Variants in KCNV1 observed in about 807,000 individuals in gnomAD.
KCNV1 encodes potassium voltage-gated channel subfamily V member 1.
A neutral mutation model predicts 36.4 loss-of-function variants in KCNV1; 2 were observed. The observed-to-expected ratio is 0.05, with a 90% confidence interval of 0.02 to 0.17. The LOEUF is 0.17. KCNV1 is among the 10% of genes least tolerant of loss of function. The probability of loss-of-function intolerance (pLI) is 1.00; values close to 1 mark genes in which losing one functional copy is unlikely to be tolerated. For missense variants in KCNV1, 321 were observed against 643.6 expected (o/e 0.50, Z 5.42); for synonymous variants, 280 against 261.1 (o/e 1.07, Z -0.70).
Position 109,965,562 on chromosome 8 carries a change from A to G in KCNV1, c.*2526T>C, listed in dbSNP as rs1819934834. ...TATAGCTAACAGCACATTTGTAGAG[A>G]AGATGTTTAGGATCCTCCATGATAA... is the stretch of plus-strand genomic sequence containing the variant. On this transcript the variant is annotated 3_prime_UTR_variant, in exon 4 of 4. Coordinates refer to ENST00000524391, the MANE Select transcript of KCNV1 (RefSeq NM_014379.4). 6.6e-6 allele frequency: 1 copy of G among 152,170 alleles called. No individual in the cohort carries two copies. The highest frequency in any genetic ancestry group is 1.5e-5 in the Non-Finnish European group (1 of 68,032). 9.4% of individuals were successfully genotyped at this position (152,170 alleles called of 1,614,324 possible).
In KCNV1 at chr8:109,973,936, G is replaced by A; in HGVS notation, c.453C>T (p.Cys151=). The A allele has an allele frequency of 3.1e-6, 5 of 1,601,336 alleles. No individual in the cohort carries two copies. The highest frequency in any genetic ancestry group is 4.3e-6 in the Non-Finnish European group (5 of 1,172,978). ...GCGTGCCTCCGGGGTACCTGTCCCT[G>A]CAGCAGGAATCGATGCTGAGCTCAT... ...GIDELSIDSC[C]RDRYFRRKEL... Residue 151 remains cysteine, a synonymous_variant, in exon 2 of 4, where the codon TGC becomes TGT. Transcript: ENST00000524391.
At chr8:109,970,926 C>T (rs1289931390) in intron 3 of KCNV1, among the ~76,000 whole-genome samples, 2 of 152,042 alleles carry the variant, frequency 1.3e-5, no homozygotes, top group African/African-American at 4.8e-5. Context: ...TTATTGGAAA[C>T]CCCATTATCA....
chr8:109,973,380 A>G (rs1170149544), intron 2 of KCNV1, among the ~76,000 whole-genome samples: 1 of 152,234 alleles, frequency 6.6e-6, no homozygotes, highest in Admixed American at 6.5e-5. Context: ...TCTGGTAAGA[A>G]CAGATGTTTG....
In KCNV1 at chr8:109,972,224, G is replaced by T; in HGVS notation, c.991+34C>A. 4 of 1,537,946 alleles carry T rather than the reference G, an allele frequency of 2.6e-6. No homozygotes were observed. The highest frequency in any genetic ancestry group is 1.3e-5 in the South Asian group (1 of 77,786). ...CAAAAAACGAATGCTTACATGCAAT[G>T]GCAAATTAAAAGGCATCAGTGAAAT... On this transcript the variant is annotated intron_variant, in intron 3 of 3. Coordinates refer to ENST00000524391, the MANE Select transcript of KCNV1 (RefSeq NM_014379.4). This position sits in a 1 kb window ranked among gnomAD's most constrained non-coding sequence, Gnocchi z 5.2.
intron 1 of KCNV1, 139 bp from the exon 2 acceptor site, chr8:109,975,331 C>G (rs1381995284): frequency 6.6e-6 from 1 of 152,368 alleles, no homozygotes; most frequent in Non-Finnish European, 1.5e-5. Context: ...AGGCACCCTT[C>G]CTTTTAACCA....
Position 109,972,422 on chromosome 8 carries a change from T to C in KCNV1, c.827A>G (p.Asn276Ser). The change falls in exon 3 of 4, where the codon AAC (asparagine) becomes AGC (serine). Residue 276 changes from asparagine (N) to serine (S), a missense_variant. Coordinates refer to ENST00000524391, the MANE Select transcript of KCNV1 (RefSeq NM_014379.4). This position sits in a 1 kb window ranked among gnomAD's most constrained non-coding sequence, Gnocchi z 5.2. ...DRCRFLRKVP[N>S]IIDLLAILPF... ...CAAGATGGCAAGGAGGTCTATGATG[T>C]TTGGCACCTTTCTTAGGAAGCGACA... 1.2e-6 allele frequency: 2 copies of C among 1,614,104 alleles called. No individual in the cohort carries two copies. Among genetic ancestry groups the C allele is most frequent in the Non-Finnish European group, 1.7e-6 (2 of 1,180,018 alleles).
chr8:109,967,689 ATTTAC>A lies in KCNV1; in HGVS notation c.*394_*398del. ...AAAGTTGTTCAATATGTTCTTAAAT[ATTTAC>A]TTATCTTTCTCTGGGCTATGCAGTT... On this transcript the variant is annotated 3_prime_UTR_variant, in exon 4 of 4. Transcript: ENST00000524391. 1 of 166,100 alleles carries A rather than the reference ATTTAC, an allele frequency of 6.0e-6. No homozygotes were observed. Among genetic ancestry groups the A allele is most frequent in the Non-Finnish European group, 1.3e-5 (1 of 75,904 alleles). The allele number at this position is 166,100 out of a possible 1,614,324, so 10.3% of individuals were successfully genotyped here.
intron 3 of KCNV1, among the ~76,000 whole-genome samples, chr8:109,970,799 A>G (rs1587136029): frequency 6.6e-6 from 1 of 152,292 alleles, no homozygotes; most frequent in Admixed American, 6.5e-5. Flanking sequence ...TTTCTTTTGG[A>G]AAAAAATGTA....
Position 109,974,713 on chromosome 8 carries a change from T to C in KCNV1, c.-325A>G. On this transcript the variant is annotated 5_prime_UTR_variant, in exon 2 of 4. Coordinates refer to ENST00000524391, the MANE Select transcript of KCNV1 (RefSeq NM_014379.4). This position sits in a 1 kb window ranked among gnomAD's most constrained non-coding sequence, Gnocchi z 6.2. ...TGCACACTGCCGGTCGCCCTGGCCC[T>C]TCCCAAACGTTGTCACCCCGCCTCC... The C allele has an allele frequency of 2.8e-6, 1 of 359,928 alleles. No individual in the cohort carries two copies. The highest frequency in any genetic ancestry group is 5.0e-6 in the Non-Finnish European group (1 of 198,442). 22.3% of individuals were successfully genotyped at this position (359,928 alleles called of 1,614,324 possible). A position where few individuals can be genotyped will look rare whatever the true frequency, so the allele number is the denominator to read the frequency against.
In KCNV1 at chr8:109,967,782, CT is replaced by C. The variant is rs1819961372; in HGVS notation, c.*305del. On this transcript the variant is annotated 3_prime_UTR_variant, in exon 4 of 4. Transcript: ENST00000524391. ...TTCTAATGTTAGTGATACATAAAAT[CT>C]TTAACTTTTTTGTATGTATTGCAAT... 4.5e-6 allele frequency: 1 copy of C among 224,108 alleles called. No individual in the cohort carries two copies. The highest frequency in any genetic ancestry group is 2.3e-5 in the African/African-American group (1 of 43,990). The allele number at this position is 224,108 out of a possible 1,614,324, so 13.9% of individuals were successfully genotyped here.
chr8:109,968,077 T>A lies in KCNV1; in HGVS notation c.*11A>T, dbSNP rs184460277. The A allele has an allele frequency of 2.5e-6, 4 of 1,597,166 alleles. No individual in the cohort carries two copies. The highest frequency in any genetic ancestry group is 3.5e-5 in the Admixed American group (2 of 57,162). ...TTGTACATAGCTTTTGTAAATAAAT[T>A]GAAAATTAATTCAAAACCAGAAATC... On this transcript the variant is annotated 3_prime_UTR_variant, in exon 4 of 4. Coordinates refer to ENST00000524391, the MANE Select transcript of KCNV1 (RefSeq NM_014379.4). The surrounding 1 kb of genome is among the most constrained non-coding windows in gnomAD (Gnocchi z 5.3).
rs2130897962 is a variant in KCNV1, at chr8:109,972,150, G to A, written c.991+108C>T. The A allele has an allele frequency of 8.7e-7, 1 of 1,143,478 alleles. No individual in the cohort carries two copies. The highest frequency in any genetic ancestry group is 1.2e-6 in the Non-Finnish European group (1 of 818,938). 70.8% of individuals were successfully genotyped at this position (1,143,478 alleles called of 1,614,324 possible). ...GGTCATGATCAGGTAAAGTATGGGA[G>A]TTGGTAATTTTGAATATCAGTTCAG... On this transcript the variant is annotated intron_variant, in intron 3 of 3. Coordinates refer to ENST00000524391, the MANE Select transcript of KCNV1 (RefSeq NM_014379.4). This position sits in a 1 kb window ranked among gnomAD's most constrained non-coding sequence, Gnocchi z 5.2.
At position 109,974,318 on chromosome 8, in the gene KCNV1, C is replaced by CT; in HGVS notation, c.70dup (p.Ser24LysfsTer8). ...CCCTTCACCCTCGCTGCAGAAGACA[C>CT]TAGAGTCCAGGGAGGTCAGGGAGCC... On this transcript the variant is annotated frameshift_variant, in exon 2 of 4. Coordinates refer to ENST00000524391, the MANE Select transcript of KCNV1 (RefSeq NM_014379.4). LOFTEE classifies it high-confidence loss of function. The surrounding 1 kb of genome is among the most constrained non-coding windows in gnomAD (Gnocchi z 6.2). 6.5e-7 allele frequency: 1 copy of CT among 1,543,524 alleles called. No individual in the cohort carries two copies. The highest frequency in any genetic ancestry group is 8.7e-7 in the Non-Finnish European group (1 of 1,149,154).
rs768697423 is a variant in KCNV1 at position 109,968,645 on chromosome 8, C to G, written c.992-46G>C. ...TCAGTCATTGGCATCCCTCTTCTCTCTCTTCCTTCCCTCCCCTCCCCTCTC... is the reference window on the plus strand; with the variant it reads ...TCAGTCATTGGCATCCCTCTTCTCTGTCTTCCTTCCCTCCCCTCCCCTCTC... On this transcript the variant is annotated intron_variant, in intron 3 of 3. Coordinates refer to ENST00000524391, the MANE Select transcript of KCNV1 (RefSeq NM_014379.4). This position sits in a 1 kb window ranked among gnomAD's most constrained non-coding sequence, Gnocchi z 5.3. The G allele has an allele frequency of 1.8e-5, 27 of 1,540,904 alleles. No individual in the cohort carries two copies. The highest frequency in any genetic ancestry group is 2.3e-5 in the Non-Finnish European group (26 of 1,140,160).
rs918608969 is a variant in KCNV1 at position 109,966,623 on chromosome 8, A to G, written c.*1465T>C. 3.3e-5 allele frequency: 5 copies of G among 152,204 alleles called. No individual in the cohort carries two copies. The highest frequency in any genetic ancestry group is 7.4e-5 in the Non-Finnish European group (5 of 68,026). 9.4% of individuals were successfully genotyped at this position (152,204 alleles called of 1,614,324 possible). ...CATTTTACAGTTAATGGCATCTTAC[A>G]ATTGACTGGCATCTTTCTTTCTTGG... On this transcript the variant is annotated 3_prime_UTR_variant, in exon 4 of 4. Transcript: ENST00000524391.
rs1007321587 is a variant in KCNV1 at position 109,965,924 on chromosome 8, G to C, written c.*2164C>G. On this transcript the variant is annotated 3_prime_UTR_variant, in exon 4 of 4. Coordinates refer to ENST00000524391, the MANE Select transcript of KCNV1 (RefSeq NM_014379.4). ...GCGCTGGCTCTGCCATCTATAGCCTGTGTGAATTTAGGCAAGTTTATACCT... is the reference window on the plus strand; with the variant it reads ...GCGCTGGCTCTGCCATCTATAGCCTCTGTGAATTTAGGCAAGTTTATACCT... The C allele has an allele frequency of 6.6e-6, 1 of 152,178 alleles. No homozygotes were observed. Among genetic ancestry groups the C allele is most frequent in the South Asian group, 2.1e-4 (1 of 4,832 alleles). The allele number at this position is 152,178 out of a possible 1,614,324, so 9.4% of individuals were successfully genotyped here. A position where few individuals can be genotyped will look rare whatever the true frequency, so the allele number is the denominator to read the frequency against.
chr8:109,969,737 C>T (rs1035698637), intron 3 of KCNV1, among the ~76,000 whole-genome samples: 12 of 151,144 alleles, frequency 7.9e-5, no homozygotes, highest in African/African-American at 2.4e-4. Flanking sequence ...CCTAGTTACT[C>T]GGGAGGCTGA....
Position 109,972,424 on chromosome 8 carries a change from T to G in KCNV1, c.825A>C (p.Pro275=), listed in dbSNP as rs759980426. ...AGATGGCAAGGAGGTCTATGATGTT[T>G]GGCACCTTTCTTAGGAAGCGACACC... The part of the protein sequence containing the change: ...RDRCRFLRKV[P]NIIDLLAILP... Residue 275 remains proline (P), a synonymous_variant, in exon 3 of 4, where the codon CCA becomes CCC. Transcript: ENST00000524391. This position sits in a 1 kb window ranked among gnomAD's most constrained non-coding sequence, Gnocchi z 5.2. 14 of 1,614,022 alleles carry G rather than the reference T, an allele frequency of 8.7e-6. No individual in the cohort carries two copies. Among genetic ancestry groups the G allele is most frequent in the Non-Finnish European group, 1.2e-5 (14 of 1,180,040 alleles).
At position 109,966,702 on chromosome 8, in the gene KCNV1, CTAT is replaced by C. The variant is rs1344091528; in HGVS notation, c.*1383_*1385del. 1 of 152,106 alleles carries C rather than the reference CTAT, an allele frequency of 6.6e-6. No homozygotes were observed. Among genetic ancestry groups the C allele is most frequent in the African/African-American group, 2.4e-5 (1 of 41,432 alleles). The allele number at this position is 152,106 out of a possible 1,614,324, so 9.4% of individuals were successfully genotyped here. A position where few individuals can be genotyped will look rare whatever the true frequency, so the allele number is the denominator to read the frequency against. On this transcript the variant is annotated 3_prime_UTR_variant, in exon 4 of 4. Transcript: ENST00000524391. ...ATAGAGTTTATGAAATACCTTATAG[CTAT>C]ATATTAAAGCAGTCCTCAATGTTTA...
Sources: allele counts gnomAD v4.1 joint callset (sites outside exome capture counted in the v4.1 genomes callset), GRCh38; gene constraint gnomAD v4.1.1; non-coding constraint Gnocchi (gnomAD v3.1); transcripts MANE v1.5; gene names NCBI Gene and HGNC (gene_info 2026-07-23, HGNC 2026-07-21).